The following MYT1L variants were observed in gnomAD, a reference collection of about 807,000 sequenced individuals.
MYT1L encodes the protein myelin transcription factor 1-like protein.
In MYT1L, 12 loss-of-function variants were observed where a neutral mutation model predicts 126.7. The observed-to-expected ratio is 0.09, with a 90% CI of 0.06 to 0.15. The LOEUF is 0.15. MYT1L is among the 10% of genes least tolerant of loss of function. The pLI is 1.00. For synonymous variants in MYT1L, 541 were observed against 604.2 expected (o/e 0.90, Z 1.53); for missense variants, 979 against 1,585.2 (o/e 0.62, Z 6.49).
intron 4 of MYT1L, among the ~76,000 whole-genome samples, chr2:2,026,510 A>G (rs776610925): frequency 3.1e-4 from 47 of 152,232 alleles, no homozygotes; most frequent in Non-Finnish European, 5.0e-4. Flanking sequence ...ACACGCCAAC[A>G]ATAGCAGCCA....
intron 4 of MYT1L, among the ~76,000 whole-genome samples, chr2:2,008,448 C>A (rs1021879114): frequency 5.3e-5 from 8 of 152,178 alleles, no homozygotes; most frequent in African/African-American, 1.9e-4. Context: ...ATGCTGAACA[C>A]CTTCTCATTT....
chr2:1,923,872 C>A lies in MYT1L; in HGVS notation c.506-609G>T, dbSNP rs1403861587. On this transcript the variant is annotated intron_variant, in intron 9 of 24. Transcript: ENST00000647738. ...AAGAGTTCTTTTGAATCCATACCTT[C>A]AAGACAATTTATCATGATACACAGT... is the stretch of plus-strand genomic sequence containing the variant. Among the ~76,000 whole-genome samples the A allele has an allele frequency of 2.0e-5, 3 of 152,326 alleles. No homozygotes were observed. In the East Asian group the frequency reaches 5.8e-4, roughly 29 times the overall value.
chr2:2,330,516 T>C (rs1573643270), intron 1 of MYT1L, among the ~76,000 whole-genome samples: 1 of 152,298 alleles, frequency 6.6e-6, no homozygotes, highest in African/African-American at 2.4e-5. Flanking sequence ...TTTATTTGAG[T>C]TTCTCCACTT....
rs1363354508 is a variant in MYT1L, at chr2:1,953,317, T to C, written c.153-9983A>G. On this transcript the variant is annotated intron_variant, in intron 8 of 24. Coordinates refer to ENST00000647738, the MANE Select transcript of MYT1L (RefSeq NM_001303052.2). ...TTGGTCACCCCTTTGCTGTAGCATGTGAGATTCCACTGCGTGTCCACAGTC... is the reference window on the plus strand; with the variant it reads ...TTGGTCACCCCTTTGCTGTAGCATGCGAGATTCCACTGCGTGTCCACAGTC... Among the ~76,000 whole-genome samples the C allele has an allele frequency of 3.3e-5, 5 of 152,166 alleles. No homozygotes were observed. In the East Asian group the frequency reaches 9.7e-4, roughly 29 times the overall value.
chr2:1,866,926 G>A (rs2045642114), intron 18 of MYT1L, among the ~76,000 whole-genome samples: 1 of 143,838 alleles, frequency 7.0e-6, no homozygotes, highest in Non-Finnish European at 1.5e-5. Flanking sequence ...GAGAGTGAGA[G>A]GGTGGGGAAA....
At chr2:2,220,069 G>T (rs893061548) in intron 2 of MYT1L, among the ~76,000 whole-genome samples, 2 of 152,126 alleles carry the variant, frequency 1.3e-5, no homozygotes, top group Non-Finnish European at 2.9e-5. Context: ...GGATGGAAAA[G>T]TGGAAAGGAA....
At chr2:2,123,591 T>C (rs529485268) in intron 3 of MYT1L, among the ~76,000 whole-genome samples, 180 of 152,344 alleles carry the variant, frequency 1.2e-3, no homozygotes, top group African/African-American at 4.1e-3. Context: ...GCTCTGGCCT[T>C]ACAAGATGTG....
At chr2:2,004,784 A>ATGCC (rs2062997699) in intron 4 of MYT1L, among the ~76,000 whole-genome samples, 2 of 50,404 alleles carry the variant, frequency 4.0e-5, no homozygotes, top group African/African-American at 1.7e-4. Context: ...TCCTGCAGGC[A>ATGCC]TTCTTTCCTG....
chr2:2,195,527 G>A (rs1572353981), intron 2 of MYT1L, among the ~76,000 whole-genome samples: 2 of 152,114 alleles, frequency 1.3e-5, no homozygotes, highest in African/African-American at 2.4e-5. Context: ...CATCTACAAT[G>A]TCTGAAATTC....
At chr2:2,280,666 G>T (rs2095434550) in intron 2 of MYT1L, among the ~76,000 whole-genome samples, 1 of 152,182 alleles carries the variant, frequency 6.6e-6, no homozygotes, top group Non-Finnish European at 1.5e-5. Context: ...CACGGCTGCA[G>T]TGCAGCAGTC....
intron 3 of MYT1L, among the ~76,000 whole-genome samples, chr2:2,086,939 C>T (rs941695541): frequency 1.3e-5 from 2 of 152,210 alleles, no homozygotes; most frequent in Admixed American, 1.3e-4. Context: ...CCACAGCATT[C>T]TCAAAGCAAA....
Position 1,791,014 on chromosome 2 carries a change from A to G in MYT1L, c.*853T>C. 3.3e-6 allele frequency: 1 copy of G among 300,596 alleles called. No individual in the cohort carries two copies. Among genetic ancestry groups the G allele is most frequent in the South Asian group, 3.3e-5 (1 of 30,760 alleles). 18.6% of individuals were successfully genotyped at this position (300,596 alleles called of 1,614,324 possible). A position where few individuals can be genotyped will look rare whatever the true frequency, so the allele number is the denominator to read the frequency against. Reference sequence around the variant, plus strand: ...TTCCAAAGTTTATTGAAAATGGAAAAGGAAATCTTCACGTTGTCCACCTCT... The same window carrying G: ...TTCCAAAGTTTATTGAAAATGGAAAGGGAAATCTTCACGTTGTCCACCTCT... On this transcript the variant is annotated 3_prime_UTR_variant, in exon 25 of 25. Transcript: ENST00000647738. The surrounding 1 kb of genome is among the most constrained non-coding windows in gnomAD (Gnocchi z 6.0).
intron 4 of MYT1L, among the ~76,000 whole-genome samples, chr2:2,020,597 T>C (rs972817200): frequency 6.6e-6 from 1 of 152,228 alleles, no homozygotes; most frequent in Non-Finnish European, 1.5e-5. Flanking sequence ...TTACATTGTT[T>C]ATATGCACTC....
At position 2,004,815 on chromosome 2, in the gene MYT1L, C is replaced by T. The variant is rs1435523876; in HGVS notation, c.-157-7468G>A. Among the ~76,000 whole-genome samples, 614 of 146,136 alleles carry T rather than the reference C, an allele frequency of 4.2e-3. 9 individuals carry two copies. Among genetic ancestry groups the T allele is most frequent in the African/African-American group, 0.015 (587 of 38,530 alleles). ...TCCTGCATGTGTTCTTTCCTGCAGG[C>T]ATTCTTTCCTGCATGTGTTCTTTCC... On this transcript the variant is annotated intron_variant, in intron 4 of 24. Transcript: ENST00000647738.
rs190233573 is a variant in MYT1L, at chr2:2,047,717, G to A, written c.-158+6261C>T. On this transcript the variant is annotated intron_variant, in intron 4 of 24. Transcript: ENST00000647738. ...AGTCTACATACAACAAGCTTAAATG[G>A]AAGATGCTGCTAGTTATTTAAATAG... Among the ~76,000 whole-genome samples the A allele has an allele frequency of 1.6e-3, 248 of 152,300 alleles. 2 individuals are homozygous for A. The highest frequency in any genetic ancestry group is 1.2e-3 in the Non-Finnish European group (82 of 68,016).
chr2:2,228,939 A>C lies in MYT1L; in HGVS notation c.-421+55465T>G, dbSNP rs2094090087. The stretch of plus-strand genomic sequence containing the variant: ...TAAGAAGAAACACAAGCAGTAGAGA[A>C]GGATATGAAGTGAAACACGGGGGTC... On this transcript the variant is annotated intron_variant, in intron 2 of 24. Coordinates refer to ENST00000647738, the MANE Select transcript of MYT1L (RefSeq NM_001303052.2). The surrounding 1 kb of genome is among the most constrained non-coding windows in gnomAD (Gnocchi z 5.9). 6.6e-6 allele frequency among the ~76,000 whole-genome samples: 1 copy of C among 152,164 alleles called. No individual in the cohort carries two copies. The highest frequency in any genetic ancestry group is 1.5e-5 in the Non-Finnish European group (1 of 68,048).
At chr2:1,916,139 T>C (rs2052792981) in intron 11 of MYT1L, among the ~76,000 whole-genome samples, 2 of 152,198 alleles carry the variant, frequency 1.3e-5, no homozygotes, top group African/African-American at 4.8e-5. Context: ...TGAGGAGCCA[T>C]TTGAAAACCT....
intron 2 of MYT1L, 44 bp from the exon 3 acceptor site, chr2:2,173,032 G>A (rs1572124316): frequency 6.6e-6 from 1 of 152,260 alleles, no homozygotes; most frequent in East Asian, 1.9e-4. Context: ...AGTAAGAGAA[G>A]GGAGGAGGGC....
At chr2:1,916,539 A>G (rs1440740026) in intron 11 of MYT1L, among the ~76,000 whole-genome samples, 1 of 152,260 alleles carries the variant, frequency 6.6e-6, no homozygotes, top group East Asian at 1.9e-4. Context: ...ATAAACAAAA[A>G]AAGATGTATA....
Sources: gnomAD v4.1 joint callset for allele counts (sites outside exome capture counted in the v4.1 genomes callset) on GRCh38, gnomAD v4.1.1 for gene constraint, Gnocchi (gnomAD v3.1) non-coding constraint, MANE v1.5 for transcripts, NCBI Gene and HGNC (gene_info 2026-07-23, HGNC 2026-07-21) for gene names.